HDLBP: variants seen among roughly 807,000 people sequenced by gnomAD.
HDLBP encodes the protein vigilin.
HDLBP carries 30 observed loss-of-function variants against 137.3 expected under a neutral mutation model. That is an observed-to-expected ratio of 0.22 (90% CI 0.16 to 0.30). The LOEUF (loss-of-function observed/expected upper bound fraction) is 0.30, where lower values mean the gene tolerates loss of function less well. Among genes scored for constraint, HDLBP ranks in the 10% least tolerant of loss-of-function variants. The pLI is 1.00. For synonymous variants in HDLBP, 606 were observed against 596.0 expected, an observed-to-expected ratio of 1.02 and a Z score of -0.24; for missense variants, 1,119 against 1,667.3, an observed-to-expected ratio of 0.67 and a Z score of 5.73.
chr2:241,307,352 T>C (rs567611806), intron 1 of HDLBP, among the ~76,000 whole-genome samples: 1 of 152,334 alleles, frequency 6.6e-6, no homozygotes, highest in East Asian at 1.9e-4. Flanking sequence ...ACTTCTTACC[T>C]CTTCCTGCCC....
Position 241,230,763 on chromosome 2 carries a change from A to G in HDLBP, c.3470T>C (p.Phe1157Ser), listed in dbSNP as rs1157507249. Residue 1157 changes from phenylalanine to serine, a missense_variant, in exon 25 of 28, where the codon TTC becomes TCC. Physicochemically the swap from Phe to Ser is radical, Grantham distance 155. Coordinates refer to ENST00000310931, the MANE Select transcript of HDLBP (RefSeq NM_005336.6). This position sits in a 1 kb window ranked among gnomAD's most constrained non-coding sequence, Gnocchi z 5.0. Reference sequence around the variant, plus strand: ...CTGTGCTTCCAGCCGGCTCACCTTGAATTCGTCCATGATTTTGCGAATGGC... The same window carrying G: ...CTGTGCTTCCAGCCGGCTCACCTTGGATTCGTCCATGATTTTGCGAATGGC... The part of the protein sequence containing the change: ...GKAIRKIMDE[F>S]KVDIRFPQSG... 1 of 1,613,748 alleles carries G rather than the reference A, an allele frequency of 6.2e-7. No homozygotes were observed. Among genetic ancestry groups the G allele is most frequent in the East Asian group, 2.2e-5 (1 of 44,896 alleles).
intron 5 of HDLBP, 48 bp downstream of exon 5, chr2:241,262,663 G>A (rs769119319): frequency 2.0e-5 from 28 of 1,430,804 alleles, no homozygotes; most frequent in Non-Finnish European, 2.6e-5. Flanking sequence ...GCCGGGTAAT[G>A]GAACGGGTAC....
chr2:241,258,455 T>C (rs1574945625), intron 5 of HDLBP, among the ~76,000 whole-genome samples: 1 of 149,950 alleles, frequency 6.7e-6, no homozygotes, highest in Non-Finnish European at 1.5e-5. Flanking sequence ...GCCTAGGAGG[T>C]TGAGGCTCCG....
chr2:241,261,782 C>G (rs1285503105), intron 5 of HDLBP, among the ~76,000 whole-genome samples: 1 of 152,226 alleles, frequency 6.6e-6, no homozygotes, highest in Non-Finnish European at 1.5e-5. Flanking sequence ...AGTGGCACAG[C>G]TGGACCTGCA....
intron 23 of HDLBP, among the ~76,000 whole-genome samples, chr2:241,234,216 G>A (rs6760946): frequency 0.046 from 6,998 of 152,302 alleles, 555 homozygotes; most frequent in African/African-American, 0.16. Flanking sequence ...GACCACTTGC[G>A]AGGATCGTGC....
At chr2:241,297,267 A>G (rs6739841) in intron 1 of HDLBP, among the ~76,000 whole-genome samples, 117,991 of 152,082 alleles carry the variant, frequency 0.78, 45,976 homozygotes, top group Middle Eastern at 0.85. Flanking sequence ...GCGGGCATCC[A>G]AGCAGGAAGG....
In HDLBP at chr2:241,248,302, C is replaced by T. The variant is rs1559499253; in HGVS notation, c.1559G>A (p.Arg520His). 6 of 1,614,032 alleles carry T rather than the reference C, an allele frequency of 3.7e-6. No individual in the cohort carries two copies. Among genetic ancestry groups the T allele is most frequent in the South Asian group, 1.1e-5 (1 of 91,082 alleles). ...KDLIIEQRFH[R>H]TIIGQKGERI... ...TTCACCCTTCTGCCCAATGATTGTG[C>T]GATGAAATCTTTGCTCAATGATTAG... The change falls in exon 13 of 28, where the codon CGC (arginine) becomes CAC (histidine). Residue 520 changes from arginine to histidine, a missense_variant. Around this residue, in one of 4 missense-constraint regions of HDLBP, gnomAD observed 425 missense variants for 693.9 expected, o/e 0.61. Transcript: ENST00000310931.
chr2:241,287,681 C>G lies in HDLBP; in HGVS notation c.-102-19140G>C, dbSNP rs890139316. On this transcript the variant is annotated intron_variant, in intron 1 of 27. Coordinates refer to ENST00000310931, the MANE Select transcript of HDLBP (RefSeq NM_005336.6). ...CAGTGATCTGCCTGCCTTGGCCTCC[C>G]AAAGTGCTGGGATTACAGGTGTGAG... 4.3e-4 allele frequency among the ~76,000 whole-genome samples: 66 copies of G among 152,198 alleles called. 4 individuals are homozygous for G. The highest frequency in any genetic ancestry group is 4.4e-5 in the Non-Finnish European group (3 of 68,036).
intron 1 of HDLBP, chr2:241,302,747 C>T (rs1367885281): frequency 6.6e-6 from 1 of 152,242 alleles, no homozygotes; most frequent in Non-Finnish European, 1.5e-5. Flanking sequence ...AGAAGTGCAG[C>T]TCTCTCCAGA....
intron 1 of HDLBP, among the ~76,000 whole-genome samples, chr2:241,291,390 A>T (rs1324498982): frequency 3.3e-5 from 5 of 152,132 alleles, no homozygotes; most frequent in Admixed American, 2.6e-4. Context: ...CCCAAAGATG[A>T]CACAAGCCAA....
chr2:241,249,954 C>A lies in HDLBP; in HGVS notation c.1399G>T (p.Val467Leu). The A allele has an allele frequency of 6.2e-7, 1 of 1,610,048 alleles. No homozygotes were observed. Among genetic ancestry groups the A allele is most frequent in the East Asian group, 2.2e-5 (1 of 44,858 alleles). The change falls in exon 12 of 28, where the codon GTG becomes TTG. Residue 467 changes from valine (V) to leucine (L), a missense_variant. Around this residue, in one of 4 missense-constraint regions of HDLBP, gnomAD observed 425 missense variants for 693.9 expected, o/e 0.61. Transcript: ENST00000310931. ...NINRIKDQYKVSVRIPPDSEK... is the reference protein window; with the variant it reads ...NINRIKDQYKLSVRIPPDSEK... The stretch of plus-strand genomic sequence containing the variant: ...CTGTCAGGAGGGATGCGCACGGACA[C>A]CTTGTACTGGTCTTTGATTCTGTTT...
rs769609365 is a variant in HDLBP at position 241,229,588 on chromosome 2, T to C, written c.*13A>G. 2 of 1,605,116 alleles carry C rather than the reference T, an allele frequency of 1.2e-6. No homozygotes were observed. The highest frequency in any genetic ancestry group is 1.7e-6 in the Non-Finnish European group (2 of 1,172,254). ...GGTCAGCAGGCTGGAGAGGGTTCTG[T>C]TCTTTTTGATCATTATCGTTTGGGG... On this transcript the variant is annotated 3_prime_UTR_variant, in exon 28 of 28. Transcript: ENST00000310931.
rs117177282 is a variant in HDLBP, at chr2:241,236,470, C to T, written c.2904+145G>A. On this transcript the variant is annotated intron_variant, in intron 21 of 27. Coordinates refer to ENST00000310931, the MANE Select transcript of HDLBP (RefSeq NM_005336.6). ...CTGTGTCCAGCCGAGAAGCACAGCC[C>T]GTGCGCACACGGTAGGAGCAAGAGG... is the stretch of plus-strand genomic sequence containing the variant. 2.1e-3 allele frequency: 1,625 copies of T among 787,126 alleles called. 35 individuals are homozygous for T. In the East Asian group the frequency reaches 0.036, roughly 18 times the overall value. 48.8% of individuals were successfully genotyped at this position (787,126 alleles called of 1,614,324 possible). A position where few individuals can be genotyped will look rare whatever the true frequency, so the allele number is the denominator to read the frequency against.
rs372278001 is a variant in HDLBP, at chr2:241,238,867, C to T, written c.2611-80G>A. On this transcript the variant is annotated intron_variant, in intron 19 of 27. Coordinates refer to ENST00000310931, the MANE Select transcript of HDLBP (RefSeq NM_005336.6). The surrounding 1 kb of genome is among the most constrained non-coding windows in gnomAD (Gnocchi z 4.9). The stretch of plus-strand genomic sequence containing the variant: ...GCAAGTTTTACAGCACTCTTCACAC[C>T]ACCTTCCTCCCTGTCCTCTACAGCC... 2 of 1,194,156 alleles carry T rather than the reference C, an allele frequency of 1.7e-6. No individual in the cohort carries two copies. The highest frequency in any genetic ancestry group is 1.5e-5 in the African/African-American group (1 of 64,980). The allele number at this position is 1,194,156 out of a possible 1,614,324, so 74.0% of individuals were successfully genotyped here.
chr2:241,302,083 C>A (rs2075414522), intron 1 of HDLBP, among the ~76,000 whole-genome samples: 2 of 137,156 alleles, frequency 1.5e-5, no homozygotes, highest in African/African-American at 2.9e-5. Context: ...CAACTCCCAT[C>A]TCTACAAAAA....
Position 241,238,662 on chromosome 2 carries a change from T to G in HDLBP, c.2736A>C (p.Arg912Ser), listed in dbSNP as rs748874925. Residue 912 changes from arginine to serine, a missense_variant, in exon 20 of 28, where the codon AGA (arginine) becomes AGC (serine). Coordinates refer to ENST00000310931, the MANE Select transcript of HDLBP (RefSeq NM_005336.6). This position sits in a 1 kb window ranked among gnomAD's most constrained non-coding sequence, Gnocchi z 4.9. ...DFSVQIKFPD[R>S]EENAVHSTEP... ...TGGGGGACCCACCTGCGTTCTCCTCTCTGTCTGGGAATTTAATTTGAACAC... is the reference window on the plus strand; with the variant it reads ...TGGGGGACCCACCTGCGTTCTCCTCGCTGTCTGGGAATTTAATTTGAACAC... The G allele has an allele frequency of 6.4e-7, 1 of 1,573,362 alleles. No individual in the cohort carries two copies. Among genetic ancestry groups the G allele is most frequent in the Non-Finnish European group, 8.7e-7 (1 of 1,151,878 alleles).
At chr2:241,235,032 G>A in intron 23 of HDLBP, 89 bp downstream of exon 23, 1 of 1,498,408 alleles carries the variant, frequency 6.7e-7, no homozygotes, top group East Asian at 2.3e-5. Context: ...CTGGGATGCT[G>A]GGATCCTGAA....
intron 15 of HDLBP, 69 bp downstream of exon 15, chr2:241,246,987 A>C: frequency 1.3e-6 from 2 of 1,573,096 alleles, no homozygotes; most frequent in African/African-American, 1.3e-5. Flanking sequence ...TCCTAGTCTA[A>C]AACCAAAATG....
At chr2:241,253,329 G>T in intron 10 of HDLBP, 64 bp downstream of exon 10, 1 of 1,096,734 alleles carries the variant, frequency 9.1e-7, no homozygotes, top group Non-Finnish European at 1.4e-6. Flanking sequence ...AGAGATGACC[G>T]CCCATGCCCA....
Sources: allele counts gnomAD v4.1 joint callset (sites outside exome capture counted in the v4.1 genomes callset), GRCh38; gene constraint gnomAD v4.1.1; regional missense constraint gnomAD v4.1.1; non-coding constraint Gnocchi (gnomAD v3.1); transcripts MANE v1.5; gene names NCBI Gene and HGNC (gene_info 2026-07-23, HGNC 2026-07-21).